VCAM1: variants seen among roughly 807,000 people sequenced by gnomAD.
The protein encoded by VCAM1 is vascular cell adhesion molecule 1.
A neutral mutation model predicts 63.8 loss-of-function variants in VCAM1; 41 were observed. That is an observed-to-expected ratio of 0.64 (90% CI 0.50 to 0.83). The LOEUF is 0.83. Ranked by LOEUF, VCAM1 falls within the 40% of genes least tolerant of loss-of-function variation. The pLI, the probability that VCAM1 is intolerant of heterozygous loss-of-function variation, is 0.00. For missense variants in VCAM1, 798 were observed against 875.5 expected (o/e 0.91, Z 1.12); for synonymous variants, 338 against 320.7 (o/e 1.05, Z -0.58).
In VCAM1 at chr1:100,719,771, C is replaced by T; in HGVS notation, c.-90C>T. The T allele has an allele frequency of 7.3e-7, 1 of 1,366,024 alleles. No individual in the cohort carries two copies. Among genetic ancestry groups the T allele is most frequent in the Non-Finnish European group, 1.0e-6 (1 of 985,362 alleles). The allele number at this position is 1,366,024 out of a possible 1,614,324, so 84.6% of individuals were successfully genotyped here. Reference sequence around the variant, plus strand: ...TATCTGCATCGGGCCTCACTGGCTTCAGGAGCTGAATACCCTCCCAGGCAC... The same window carrying T: ...TATCTGCATCGGGCCTCACTGGCTTTAGGAGCTGAATACCCTCCCAGGCAC... On this transcript the variant is annotated 5_prime_UTR_variant, in exon 1 of 9. Transcript: ENST00000294728.
chr1:100,725,011 A>G, intron 4 of VCAM1, 121 bp downstream of exon 4: 1 of 1,285,724 alleles, frequency 7.8e-7, no homozygotes, highest in Non-Finnish European at 1.1e-6. Context: ...TCTGATTGCC[A>G]TATCCTTTAG....
chr1:100,725,331 C>T (rs942748967), intron 4 of VCAM1, among the ~76,000 whole-genome samples: 1 of 152,026 alleles, frequency 6.6e-6, no homozygotes, highest in Non-Finnish European at 1.5e-5. Flanking sequence ...AATATGACCT[C>T]TTCTTCACCC....
intron 7 of VCAM1, 106 bp from the exon 8 acceptor site, chr1:100,734,396 C>CT: frequency 7.9e-7 from 1 of 1,270,494 alleles, no homozygotes; most frequent in Middle Eastern, 2.7e-4. Context: ...AATGCAAACG[C>CT]TAAGCACAAA....
chr1:100,733,433 T>C (rs2100833841), intron 7 of VCAM1, among the ~76,000 whole-genome samples: 1 of 152,294 alleles, frequency 6.6e-6, no homozygotes, highest in East Asian at 1.9e-4. Flanking sequence ...AGTGACTTTC[T>C]TGTTATCTCA....
chr1:100,719,986 TTCAG>T, intron 1 of VCAM1, 62 bp downstream of exon 1: 9 of 1,573,734 alleles, frequency 5.7e-6, no homozygotes, highest in South Asian at 1.1e-5. Flanking sequence ...TGGTTTTGGC[TTCAG>T]TCAGTTTTGC....
At chr1:100,723,388 G>C in intron 3 of VCAM1, 48 bp downstream of exon 3, 1 of 1,573,384 alleles carries the variant, frequency 6.4e-7, no homozygotes, top group Non-Finnish European at 8.6e-7. Context: ...ATCCCACCTT[G>C]GTTGTGTATA....
At chr1:100,733,870 T>C (rs1417938954) in intron 7 of VCAM1, among the ~76,000 whole-genome samples, 1 of 152,234 alleles carries the variant, frequency 6.6e-6, no homozygotes, top group African/African-American at 2.4e-5. Context: ...ATCTGAATTC[T>C]ATAGCTCTTT....
At chr1:100,733,458 G>T (rs3917065) in intron 7 of VCAM1, among the ~76,000 whole-genome samples, 2,080 of 152,110 alleles carry the variant, frequency 0.014, 45 homozygotes, top group African/African-American at 0.048. Context: ...AATAAGATTT[G>T]TATTTTAGAA....
intron 2 of VCAM1, among the ~76,000 whole-genome samples, chr1:100,722,299 T>C (rs925933117): frequency 6.6e-6 from 1 of 152,086 alleles, no homozygotes; most frequent in Non-Finnish European, 1.5e-5. Flanking sequence ...GAGGCAAATA[T>C]GTGTTCCAGA....
intron 4 of VCAM1, among the ~76,000 whole-genome samples, chr1:100,728,779 T>C (rs899173190): frequency 4.6e-5 from 7 of 151,258 alleles, no homozygotes; most frequent in African/African-American, 1.7e-4. Flanking sequence ...CCACTTAAAT[T>C]ATTTGAGTGA....
intron 4 of VCAM1, among the ~76,000 whole-genome samples, chr1:100,728,257 C>A (rs543730037): frequency 7.2e-5 from 11 of 152,056 alleles, no homozygotes; most frequent in African/African-American, 1.9e-4. Context: ...TTTTATATTG[C>A]ATCAGGCAAA....
chr1:100,720,196 T>C (rs965008730), intron 1 of VCAM1, among the ~76,000 whole-genome samples: 1 of 152,114 alleles, frequency 6.6e-6, no homozygotes, highest in Non-Finnish European at 1.5e-5. Context: ...TCTGTCTCTT[T>C]AGTTTCCTAT....
At chr1:100,738,045 A>G in intron 8 of VCAM1, 78 bp from the exon 9 acceptor site, 3 of 1,486,666 alleles carry the variant, frequency 2.0e-6, no homozygotes, top group East Asian at 2.3e-5. Flanking sequence ...GTACTGTTAT[A>G]ATAAACATGT....
chr1:100,725,554 C>G (rs1660133013), intron 4 of VCAM1, among the ~76,000 whole-genome samples: 1 of 151,988 alleles, frequency 6.6e-6, no homozygotes, highest in Non-Finnish European at 1.5e-5. Flanking sequence ...TGATTGTACA[C>G]CTAATATTTC....
At chr1:100,724,305 T>C (rs1321477145) in intron 3 of VCAM1, among the ~76,000 whole-genome samples, 1 of 152,044 alleles carries the variant, frequency 6.6e-6, no homozygotes, top group East Asian at 1.9e-4. Context: ...TCAGTAAATG[T>C]TGAAGCTGAC....
At chr1:100,728,134 C>A (rs960317886) in intron 4 of VCAM1, among the ~76,000 whole-genome samples, 2 of 152,002 alleles carry the variant, frequency 1.3e-5, no homozygotes, top group Admixed American at 6.6e-5. Flanking sequence ...CAAAAGAAGC[C>A]CATGCACCCA....
rs1660459667 is a variant in VCAM1, at chr1:100,731,575, C to T, written c.1525+57C>T. 2.0e-6 allele frequency: 3 copies of T among 1,476,520 alleles called. No homozygotes were observed. Among genetic ancestry groups the T allele is most frequent in the Non-Finnish European group, 1.8e-6 (2 of 1,088,594 alleles). The allele number at this position is 1,476,520 out of a possible 1,614,324, so 91.5% of individuals were successfully genotyped here. A position where few individuals can be genotyped will look rare whatever the true frequency, so the allele number is the denominator to read the frequency against. On this transcript the variant is annotated intron_variant, in intron 6 of 8. Coordinates refer to ENST00000294728, the MANE Select transcript of VCAM1 (RefSeq NM_001078.4). The surrounding 1 kb of genome is among the most constrained non-coding windows in gnomAD (Gnocchi z 4.2). Reference sequence around the variant, plus strand: ...ATACCTGTCTCTTTATCGTGTTTGCCAGGCAATAGTTAACATAAGGTTAAT... The same window carrying T: ...ATACCTGTCTCTTTATCGTGTTTGCTAGGCAATAGTTAACATAAGGTTAAT...
At chr1:100,726,673 A>C (rs1267061069) in intron 4 of VCAM1, among the ~76,000 whole-genome samples, 1 of 152,044 alleles carries the variant, frequency 6.6e-6, no homozygotes, top group East Asian at 1.9e-4. Flanking sequence ...CAGTTCAACA[A>C]ATATTAAGAG....
rs776591349 is a variant in VCAM1, at chr1:100,724,612, T to C, written c.662-12T>C. 3.7e-6 allele frequency: 6 copies of C among 1,607,640 alleles called. No individual in the cohort carries two copies. In the African/African-American group the frequency reaches 8.0e-5, roughly 22 times the overall value. ...GCTTAGCAATTGCTAATATTATTTT[T>C]TGCCCTTTCAGTATCACCCAAGAAT... On this transcript the variant is annotated splice_polypyrimidine_tract_variant and intron_variant, in intron 3 of 8. Transcript: ENST00000294728.
Sources: allele counts gnomAD v4.1 joint callset (sites outside exome capture counted in the v4.1 genomes callset), GRCh38; gene constraint gnomAD v4.1.1; non-coding constraint Gnocchi (gnomAD v3.1); transcripts MANE v1.5; gene names NCBI Gene and HGNC (gene_info 2026-07-23, HGNC 2026-07-21).